Variants in PDZD2 observed in about 807,000 individuals in gnomAD.
PDZD2 encodes the protein PDZ domain containing 2, also known as PDZ domain-containing protein 2.
PDZD2 carries 90 observed loss-of-function variants against 220.7 expected under a neutral mutation model. The observed-to-expected ratio is 0.41, with a 90% CI of 0.34 to 0.49. PDZD2 has a LOEUF of 0.49. PDZD2 is among the 20% of genes least tolerant of loss of function. The pLI is 0.28. For synonymous variants in PDZD2, 1,375 were observed against 1,450.5 expected (o/e 0.95, Z 1.18); for missense variants, 3,174 against 3,608.5 (o/e 0.88, Z 3.08).
At chr5:32,050,780 C>T (rs908034136) in intron 8 of PDZD2, among the ~76,000 whole-genome samples, 2 of 152,108 alleles carry the variant, frequency 1.3e-5, no homozygotes, top group African/African-American at 4.8e-5. Context: ...GTGATCACGC[C>T]ACTGAATTCC....
intron 2 of PDZD2, among the ~76,000 whole-genome samples, chr5:31,966,135 C>T (rs1748727942): frequency 6.6e-6 from 1 of 152,166 alleles, no homozygotes; most frequent in Admixed American, 6.5e-5. Context: ...CTGTTTTCAG[C>T]TTTCTGACCT....
At position 32,074,278 on chromosome 5, in the gene PDZD2, A is replaced by C. The variant is rs1673369204; in HGVS notation, c.3172A>C (p.Asn1058His). 1 of 1,614,038 alleles carries C rather than the reference A, an allele frequency of 6.2e-7. No individual in the cohort carries two copies. The highest frequency in any genetic ancestry group is 8.5e-7 in the Non-Finnish European group (1 of 1,179,988). The change falls in exon 18 of 25, where the codon AAC (asparagine) becomes CAC (histidine). Residue 1058 changes from asparagine (N) to histidine (H), a missense_variant. Asn to His is a moderately conservative substitution (Grantham distance 68, BLOSUM62 1). Around this residue, in one of 4 missense-constraint regions of PDZD2, gnomAD observed 1,861 missense variants for 2,001.0 expected, o/e 0.93. Coordinates refer to ENST00000438447, the MANE Select transcript of PDZD2 (RefSeq NM_178140.4). Reference sequence around the variant, plus strand: ...GGTGGATGCTGCGTCCTATGCAGCCAACCTCACGGACTCTGCAGAGGCCCC... The same window carrying C: ...GGTGGATGCTGCGTCCTATGCAGCCCACCTCACGGACTCTGCAGAGGCCCC... ...GMVDAASYAA[N>H]LTDSAEAPKG...
chr5:31,696,316 G>A (rs1178801491), intron 1 of PDZD2, among the ~76,000 whole-genome samples: 1 of 151,860 alleles, frequency 6.6e-6, no homozygotes, highest in Admixed American at 6.6e-5. Flanking sequence ...TTTTTGTTTT[G>A]AGAGATAGGG....
chr5:31,791,325 T>G (rs1211484106), intron 1 of PDZD2, among the ~76,000 whole-genome samples: 1 of 151,998 alleles, frequency 6.6e-6, no homozygotes, highest in Non-Finnish European at 1.5e-5. Context: ...GCGCAGTGGC[T>G]CACGCCTGTA....
intron 14 of PDZD2, among the ~76,000 whole-genome samples, chr5:32,066,092 G>T (rs1014907781): frequency 6.6e-6 from 1 of 151,188 alleles, no homozygotes; most frequent in African/African-American, 2.4e-5. Flanking sequence ...TGTGTAATCC[G>T]AGCACTTTGC....
intron 1 of PDZD2, among the ~76,000 whole-genome samples, chr5:31,728,213 C>T (rs976036995): frequency 6.6e-6 from 1 of 151,918 alleles, no homozygotes; most frequent in Non-Finnish European, 1.5e-5. Flanking sequence ...ATGCCAATAG[C>T]ACAGCACTCC....
intron 6 of PDZD2, among the ~76,000 whole-genome samples, chr5:32,031,917 A>G (rs973607369): frequency 6.6e-6 from 1 of 152,256 alleles, no homozygotes; most frequent in African/African-American, 2.4e-5. Flanking sequence ...TTACAGGCAC[A>G]ATCCGTGCTG....
chr5:31,853,689 C>T (rs1758190572), intron 2 of PDZD2, among the ~76,000 whole-genome samples: 1 of 152,118 alleles, frequency 6.6e-6, no homozygotes, highest in South Asian at 2.1e-4. Flanking sequence ...CTTCGAATTC[C>T]ACCAGATCTG....
intron 5 of PDZD2, among the ~76,000 whole-genome samples, chr5:32,002,967 A>ACATGCC (rs1752374805): frequency 2.2e-5 from 2 of 88,986 alleles, no homozygotes. Context: ...CACACACACC[A>ACATGCC]ACACACACAC....
chr5:31,726,014 G>T, intron 1 of PDZD2: 1 of 413,030 alleles, frequency 2.4e-6, no homozygotes, highest in African/African-American at 2.0e-5. Context: ...GATGCATAAT[G>T]GAGTAGAAAG....
chr5:32,084,735 G>A (rs1474534753), intron 19 of PDZD2, among the ~76,000 whole-genome samples: 1 of 152,084 alleles, frequency 6.6e-6, no homozygotes, highest in East Asian at 1.9e-4. Context: ...TCTGATGCCA[G>A]ATTTTTTTTC....
At chr5:31,744,969 A>C (rs1750501951) in intron 1 of PDZD2, among the ~76,000 whole-genome samples, 1 of 152,122 alleles carries the variant, frequency 6.6e-6, no homozygotes. Flanking sequence ...GCTACTCAGG[A>C]GGCTGAGGCA....
intron 6 of PDZD2, among the ~76,000 whole-genome samples, chr5:32,023,866 C>T (rs1013744289): frequency 6.6e-6 from 1 of 152,176 alleles, no homozygotes; most frequent in African/African-American, 2.4e-5. Flanking sequence ...ACTCCAGAAA[C>T]AAACAATTCG....
At position 32,070,398 on chromosome 5, in the gene PDZD2, T is replaced by G. The variant is rs565593934; in HGVS notation, c.2533+748T>G. Among the ~76,000 whole-genome samples, 3 of 152,332 alleles carry G rather than the reference T, an allele frequency of 2.0e-5. No individual in the cohort carries two copies. In the South Asian group the frequency reaches 6.2e-4, roughly 32 times the overall value. On this transcript the variant is annotated intron_variant, in intron 15 of 24. Coordinates refer to ENST00000438447, the MANE Select transcript of PDZD2 (RefSeq NM_178140.4). ...GAAGTGGACATAGCCATCATAGGCT[T>G]TCTATTCAACCAGTTCATCATCCCG...
chr5:31,828,293 C>T (rs115275746), intron 2 of PDZD2, among the ~76,000 whole-genome samples: 2,522 of 152,168 alleles, frequency 0.017, 26 homozygotes, highest in Non-Finnish European at 0.026. Context: ...ATTTTACATC[C>T]CCACCAGCAG....
At chr5:31,910,535 C>T (rs998483585) in intron 2 of PDZD2, among the ~76,000 whole-genome samples, 2 of 151,400 alleles carry the variant, frequency 1.3e-5, no homozygotes, top group African/African-American at 4.9e-5. Flanking sequence ...GGATTACAGG[C>T]ACTCACCACT....
intron 2 of PDZD2, among the ~76,000 whole-genome samples, chr5:31,851,068 CT>C (rs1281498616): frequency 6.6e-6 from 1 of 152,066 alleles, no homozygotes; most frequent in Non-Finnish European, 1.5e-5. Flanking sequence ...CCTTTAGGCA[CT>C]TTTTTTTCAC....
chr5:32,101,478 G>T (rs1213568731), intron 24 of PDZD2, among the ~76,000 whole-genome samples: 1 of 152,130 alleles, frequency 6.6e-6, no homozygotes, highest in Non-Finnish European at 1.5e-5. Context: ...AGGCACGTAG[G>T]GTCACACAGC....
intron 6 of PDZD2, 23 bp downstream of exon 6, chr5:32,010,505 C>T: frequency 6.3e-7 from 1 of 1,581,252 alleles, no homozygotes; most frequent in Non-Finnish European, 8.7e-7. Context: ...GTGCTCCTGG[C>T]TTTCTGTTGG....
Sources: gnomAD v4.1 joint callset for allele counts (sites outside exome capture counted in the v4.1 genomes callset) on GRCh38, gnomAD v4.1.1 for gene constraint, gnomAD v4.1.1 regional missense constraint, MANE v1.5 for transcripts, NCBI Gene and HGNC (gene_info 2026-07-23, HGNC 2026-07-21) for gene names.